RAD51B: variants seen among roughly 807,000 people sequenced by gnomAD.
RAD51B encodes RAD51 paralog B.
Under a neutral mutation model 42.2 loss-of-function variants are expected in RAD51B, and 38 were observed. The ratio of observed to expected loss-of-function variants is 0.90; its 90% CI spans 0.70 to 1.18. The LOEUF is 1.18. Ranked by LOEUF, RAD51B falls within the 50% of genes most tolerant of loss-of-function variation. The pLI is 0.00. For synonymous variants in RAD51B, 154 were observed against 145.2 expected (o/e 1.06, Z -0.43); for missense variants, 373 against 400.7 (o/e 0.93, Z 0.59).
intron 7 of RAD51B, among the ~76,000 whole-genome samples, chr14:68,207,199 T>C (rs1382129341): frequency 6.6e-6 from 1 of 151,966 alleles, no homozygotes; most frequent in African/African-American, 2.4e-5. Context: ...GAAGTGAACT[T>C]GGGGAAAAAT....
At chr14:68,083,107 C>G (rs2076936913) in intron 7 of RAD51B, among the ~76,000 whole-genome samples, 1 of 152,126 alleles carries the variant, frequency 6.6e-6, no homozygotes, top group African/African-American at 2.4e-5. Flanking sequence ...AAGAGACAAA[C>G]TTTATTTGGT....
chr14:67,825,978 C>T (rs1464493050), intron 3 of RAD51B, among the ~76,000 whole-genome samples: 5 of 152,158 alleles, frequency 3.3e-5, no homozygotes, highest in Admixed American at 6.5e-5. Flanking sequence ...GATCTGCTTG[C>T]GTCGACCTCC....
chr14:67,969,093 C>G (rs113599586), intron 7 of RAD51B, among the ~76,000 whole-genome samples: 2 of 151,984 alleles, frequency 1.3e-5, no homozygotes, highest in Non-Finnish European at 2.9e-5. Context: ...TTCACTATCA[C>G]GAGAACAGTA....
intron 7 of RAD51B, among the ~76,000 whole-genome samples, chr14:68,128,133 CCTT>C (rs2077810268): frequency 1.3e-5 from 2 of 152,118 alleles, no homozygotes; most frequent in South Asian, 4.1e-4. Context: ...AATGTAGAAA[CCTT>C]CTGAACATGG....
chr14:68,493,454 G>A (rs1241801776), intron 10 of RAD51B, among the ~76,000 whole-genome samples: 4 of 152,090 alleles, frequency 2.6e-5, no homozygotes, highest in Non-Finnish European at 5.9e-5. Flanking sequence ...CTCATACTCA[G>A]CTTCCACCCT....
chr14:68,254,573 C>G (rs962597370), intron 7 of RAD51B, among the ~76,000 whole-genome samples: 2 of 152,262 alleles, frequency 1.3e-5, no homozygotes, highest in Admixed American at 1.3e-4. Flanking sequence ...ACTACTTTGA[C>G]AATATTGTAG....
At chr14:68,049,976 C>T (rs2076366053) in intron 7 of RAD51B, among the ~76,000 whole-genome samples, 1 of 152,178 alleles carries the variant, frequency 6.6e-6, no homozygotes, top group Non-Finnish European at 1.5e-5. Flanking sequence ...TGAATTTCAA[C>T]TTGTATACCT....
intron 7 of RAD51B, among the ~76,000 whole-genome samples, chr14:67,892,591 C>T (rs1355190440): frequency 6.6e-6 from 1 of 152,134 alleles, no homozygotes; most frequent in Non-Finnish European, 1.5e-5. Context: ...AGTGCTGGGC[C>T]CTGGGAATAC....
At chr14:67,969,225 A>G (rs1034748983) in intron 7 of RAD51B, among the ~76,000 whole-genome samples, 3 of 152,250 alleles carry the variant, frequency 2.0e-5, no homozygotes, top group African/African-American at 7.2e-5. Flanking sequence ...AAACCATATC[A>G]GTAAGCAAGT....
intron 10 of RAD51B, among the ~76,000 whole-genome samples, chr14:68,520,496 T>A (rs1395664544): frequency 6.6e-6 from 1 of 152,246 alleles, no homozygotes; most frequent in Non-Finnish European, 1.5e-5. Context: ...GATCATTTCC[T>A]ATACATTTGT....
chr14:68,445,226 C>G lies in RAD51B; in HGVS notation c.958-22946C>G, dbSNP rs187873077. On this transcript the variant is annotated intron_variant, in intron 9 of 10. Transcript: ENST00000471583. ...ATTTAGGGGAAGAGACTGCAGAATT[C>G]TCTTCTCAGCTTCACATGGCTGTAA... 6.6e-4 allele frequency among the ~76,000 whole-genome samples: 101 copies of G among 152,296 alleles called. 1 individual carries two copies. Among genetic ancestry groups the G allele is most frequent in the African/African-American group, 2.1e-3 (86 of 41,558 alleles).
intron 7 of RAD51B, among the ~76,000 whole-genome samples, chr14:68,078,784 G>T (rs1223548925): frequency 1.3e-5 from 2 of 152,150 alleles, no homozygotes; most frequent in Non-Finnish European, 2.9e-5. Flanking sequence ...GAGCCCAAGG[G>T]TTCCAGACCA....
intron 7 of RAD51B, among the ~76,000 whole-genome samples, chr14:68,214,578 A>G (rs1250496598): frequency 1.3e-5 from 2 of 152,242 alleles, no homozygotes; most frequent in African/African-American, 4.8e-5. Flanking sequence ...TCAGTATTTT[A>G]AAGGCTTATT....
chr14:68,658,397 G>A (rs1892863406), intron 11 of RAD51B, among the ~76,000 whole-genome samples: 1 of 152,258 alleles, frequency 6.6e-6, no homozygotes, highest in African/African-American at 2.4e-5. Flanking sequence ...GATGATGAGG[G>A]CCACTGGCCC....
intron 9 of RAD51B, among the ~76,000 whole-genome samples, chr14:68,415,826 C>T (rs1347832508): frequency 6.6e-6 from 1 of 152,180 alleles, no homozygotes; most frequent in Non-Finnish European, 1.5e-5. Flanking sequence ...GAAGTCTGGT[C>T]TTACAAACTA....
downstream of RAD51B, among the ~76,000 whole-genome samples, chr14:68,615,998 C>A (rs987131813): frequency 6.6e-6 from 1 of 152,084 alleles, no homozygotes; most frequent in Non-Finnish European, 1.5e-5. Context: ...TTGCATCTTT[C>A]CTTGCCTTCT....
chr14:67,900,016 A>T (rs1454130858), intron 7 of RAD51B, among the ~76,000 whole-genome samples: 3 of 152,158 alleles, frequency 2.0e-5, no homozygotes, highest in African/African-American at 4.8e-5. Context: ...CATACTAAAA[A>T]CTTTTCAATA....
intron 10 of RAD51B, chr14:68,594,464 T>C (rs754005503): frequency 9.9e-5 from 134 of 1,359,614 alleles, no homozygotes; most frequent in Non-Finnish European, 1.2e-4. Context: ...TTTGACTTCC[T>C]TTTTTTTCTC....
At chr14:68,484,978 G>T (rs191846028) in intron 10 of RAD51B, among the ~76,000 whole-genome samples, 2 of 152,334 alleles carry the variant, frequency 1.3e-5, no homozygotes, top group Admixed American at 1.3e-4. Flanking sequence ...TCTGAAGAGA[G>T]AATCTGATTA....
Sources: gnomAD v4.1 joint callset for allele counts (sites outside exome capture counted in the v4.1 genomes callset) on GRCh38, gnomAD v4.1.1 for gene constraint, MANE v1.5 for transcripts, NCBI Gene and HGNC (gene_info 2026-07-23, HGNC 2026-07-21) for gene names.